The following CNTN4 variants were observed in gnomAD, a reference collection of about 807,000 sequenced individuals.
CNTN4 encodes contactin-4.
Under a neutral mutation model 122.5 loss-of-function variants are expected in CNTN4, and 77 were observed. The ratio of observed to expected loss-of-function variants is 0.63; its 90% confidence interval spans 0.52 to 0.76. CNTN4 has a LOEUF of 0.76. Ranked by LOEUF, CNTN4 falls within the 30% of genes least tolerant of loss-of-function variation. The probability of loss-of-function intolerance (pLI) is 0.00; values close to 1 mark genes in which losing one functional copy is unlikely to be tolerated. For missense variants in CNTN4, 1,256 were observed against 1,259.1 expected (o/e 1.00, Z 0.04); for synonymous variants, 512 against 447.0 (o/e 1.15, Z -1.83).
At chr3:2,762,952 T>G (rs1413517682) in intron 6 of CNTN4, among the ~76,000 whole-genome samples, 1 of 146,662 alleles carries the variant, frequency 6.8e-6, no homozygotes, top group African/African-American at 2.5e-5. Flanking sequence ...TTTTTTTTTT[T>G]TTTTTTTTAG....
chr3:2,890,928 C>T (rs1186541819), intron 10 of CNTN4, among the ~76,000 whole-genome samples: 1 of 152,112 alleles, frequency 6.6e-6, no homozygotes. Context: ...TGGTAAAATG[C>T]TATGGATCTC....
At chr3:2,812,203 A>G (rs1462722472) in intron 6 of CNTN4, among the ~76,000 whole-genome samples, 1 of 152,170 alleles carries the variant, frequency 6.6e-6, no homozygotes, top group Non-Finnish European at 1.5e-5. Flanking sequence ...TGATGAAATA[A>G]TCTGTACAAC....
chr3:2,428,072 T>C (rs2047912496), intron 3 of CNTN4, among the ~76,000 whole-genome samples: 1 of 152,192 alleles, frequency 6.6e-6, no homozygotes, highest in Non-Finnish European at 1.5e-5. Flanking sequence ...CCCATTTACA[T>C]TTAAGGTTAA....
At chr3:2,564,535 T>C (rs2079078032) in intron 3 of CNTN4, among the ~76,000 whole-genome samples, 1 of 152,202 alleles carries the variant, frequency 6.6e-6, no homozygotes, top group East Asian at 1.9e-4. Context: ...ACCTTCTTCT[T>C]ATAGAATAAT....
chr3:2,926,319 T>C (rs574137399), intron 13 of CNTN4, among the ~76,000 whole-genome samples: 1 of 152,350 alleles, frequency 6.6e-6, no homozygotes, highest in South Asian at 2.1e-4. Flanking sequence ...AAAACAGGTT[T>C]TTTTTCTAAT....
At chr3:2,901,557 C>G (rs1460228890) in intron 11 of CNTN4, among the ~76,000 whole-genome samples, 1 of 152,182 alleles carries the variant, frequency 6.6e-6, no homozygotes, top group Non-Finnish European at 1.5e-5. Flanking sequence ...AAGCCAAACT[C>G]AGACAAATTG....
chr3:2,572,982 G>C (rs958231320), intron 4 of CNTN4, among the ~76,000 whole-genome samples: 2 of 152,168 alleles, frequency 1.3e-5, no homozygotes, highest in Non-Finnish European at 2.9e-5. Flanking sequence ...CCCTTAAGAA[G>C]TAAGCATTTA....
intron 3 of CNTN4, among the ~76,000 whole-genome samples, chr3:2,354,675 A>C (rs893914374): frequency 6.6e-6 from 1 of 152,196 alleles, no homozygotes; most frequent in African/African-American, 2.4e-5. Flanking sequence ...GTCTGATATT[A>C]GCAGCAGGCA....
rs538195635 is a variant in CNTN4 at position 2,485,452 on chromosome 3, A to G, written c.-88-85964A>G. Reference sequence around the variant, plus strand: ...ATACACCAAGCAGCACTCTGTGTCTAGCTCAAGGTTTGTAAATGCACCAAT... The same window carrying G: ...ATACACCAAGCAGCACTCTGTGTCTGGCTCAAGGTTTGTAAATGCACCAAT... On this transcript the variant is annotated intron_variant, in intron 3 of 24. Transcript: ENST00000418658. Among the ~76,000 whole-genome samples, 14 of 152,364 alleles carry G rather than the reference A, an allele frequency of 9.2e-5. 1 individual carries two copies. In the East Asian group the frequency reaches 2.5e-3, roughly 27 times the overall value.
intron 12 of CNTN4, among the ~76,000 whole-genome samples, chr3:2,924,772 G>A (rs958895): frequency 0.71 from 108,039 of 152,014 alleles, 38,631 homozygotes; most frequent in Middle Eastern, 0.79. Context: ...GCATTGCATT[G>A]GGCACTTGCA....
At chr3:2,240,662 A>C (rs1001607954) in intron 2 of CNTN4, among the ~76,000 whole-genome samples, 1 of 152,078 alleles carries the variant, frequency 6.6e-6, no homozygotes, top group Admixed American at 6.6e-5. Context: ...TAGTCATTGC[A>C]TTGTTTAGGA....
In CNTN4 at chr3:2,519,045, C is replaced by G. The variant is rs140007337; in HGVS notation, c.-88-52371C>G. Among the ~76,000 whole-genome samples the G allele has an allele frequency of 3.6e-3, 546 of 152,016 alleles. 1 individual carries two copies. The highest frequency in any genetic ancestry group is 0.013 in the African/African-American group (520 of 41,480). ...AACAAGATCTGTTTGTACAGAATACCCTTGGTTTTGACTCCCTGTCTCTAG... is the reference window on the plus strand; with the variant it reads ...AACAAGATCTGTTTGTACAGAATACGCTTGGTTTTGACTCCCTGTCTCTAG... On this transcript the variant is annotated intron_variant, in intron 3 of 24. Coordinates refer to ENST00000418658, the MANE Select transcript of CNTN4 (RefSeq NM_175607.3).
chr3:2,478,357 A>C (rs2075888139), intron 3 of CNTN4, among the ~76,000 whole-genome samples: 1 of 151,964 alleles, frequency 6.6e-6, no homozygotes, highest in Non-Finnish European at 1.5e-5. Flanking sequence ...TAAAATAATA[A>C]ATGAAATATG....
intron 7 of CNTN4, among the ~76,000 whole-genome samples, chr3:2,820,559 G>C (rs1446317082): frequency 6.6e-6 from 1 of 152,062 alleles, no homozygotes; most frequent in Non-Finnish European, 1.5e-5. Flanking sequence ...CCATCCCCAA[G>C]AGTGGGGAAT....
chr3:2,662,682 C>A lies in CNTN4; in HGVS notation c.56-73533C>A, dbSNP rs929573459. 5.3e-5 allele frequency among the ~76,000 whole-genome samples: 8 copies of A among 152,266 alleles called. 1 individual carries two copies. The highest frequency in any genetic ancestry group is 3.9e-4 in the East Asian group (2 of 5,176). On this transcript the variant is annotated intron_variant, in intron 4 of 24. Transcript: ENST00000418658. ...CTTAGGCAACAGAAGGTATAGGGAC[C>A]TTCCAGGCAGAAGTAATCAACTATC...
At chr3:2,825,125 A>G (rs1479939366) in intron 7 of CNTN4, among the ~76,000 whole-genome samples, 2 of 152,158 alleles carry the variant, frequency 1.3e-5, no homozygotes, top group African/African-American at 2.4e-5. Flanking sequence ...TCTTGCCTAT[A>G]ATTCTAGCAT....
At chr3:2,212,165 G>A (rs1396258895) in intron 2 of CNTN4, among the ~76,000 whole-genome samples, 3 of 151,846 alleles carry the variant, frequency 2.0e-5, no homozygotes, top group Non-Finnish European at 4.4e-5. Context: ...TGTAGAGATG[G>A]GGTCTCACTA....
chr3:2,297,624 C>T (rs1241623113), intron 2 of CNTN4, among the ~76,000 whole-genome samples: 1 of 152,150 alleles, frequency 6.6e-6, no homozygotes, highest in Non-Finnish European at 1.5e-5. Context: ...TTTTTATTTT[C>T]CGTCTACCTA....
rs528354217 is a variant in CNTN4 at position 2,798,877 on chromosome 3, C to A, written c.359-20609C>A. 4.6e-5 allele frequency among the ~76,000 whole-genome samples: 7 copies of A among 152,202 alleles called. No individual in the cohort carries two copies. In the South Asian group the frequency reaches 1.5e-3, roughly 32 times the overall value. On this transcript the variant is annotated intron_variant, in intron 6 of 24. Coordinates refer to ENST00000418658, the MANE Select transcript of CNTN4 (RefSeq NM_175607.3). ...ATACCCGGTAGTGGGATTGCCTGAT[C>A]AATTGGTAGTTCTATTTTCAGTTCT...
Sources: allele counts gnomAD v4.1 joint callset (sites outside exome capture counted in the v4.1 genomes callset), GRCh38; gene constraint gnomAD v4.1.1; transcripts MANE v1.5; gene names NCBI Gene and HGNC (gene_info 2026-07-23, HGNC 2026-07-21).